SGSM1: variants seen among roughly 807,000 people sequenced by gnomAD.
SGSM1 encodes the protein small G protein signaling modulator 1.
In SGSM1, 73 loss-of-function variants were observed where a neutral mutation model predicts 133.8. The ratio of observed to expected loss-of-function variants is 0.55; its 90% CI spans 0.45 to 0.66. The LOEUF is 0.66. Ranked by LOEUF, SGSM1 falls within the 30% of genes least tolerant of loss-of-function variation. SGSM1 has a pLI of 0.00. For missense variants in SGSM1, 1,213 were observed against 1,448.1 expected (o/e 0.84, Z 2.64); for synonymous variants, 563 against 573.0 (o/e 0.98, Z 0.25).
intron 24 of SGSM1, among the ~76,000 whole-genome samples, chr22:24,921,575 G>C (rs1934010030): frequency 6.6e-6 from 1 of 152,038 alleles, no homozygotes; most frequent in Non-Finnish European, 1.5e-5. Context: ...CACCCCTAGT[G>C]TCTCTGTAAA....
chr22:24,919,040 C>CTTT (rs143985087), intron 23 of SGSM1, among the ~76,000 whole-genome samples: 9 of 71,794 alleles, frequency 1.3e-4, no homozygotes, highest in African/African-American at 2.7e-4. Flanking sequence ...CACACCCGGC[C>CTTT]TTTTTTTTTT....
chr22:24,845,945 C>CTTTTCTTTTCTTTTCTTTTCT (rs139930200), intron 3 of SGSM1, among the ~76,000 whole-genome samples: 13 of 32,622 alleles, frequency 4.0e-4, no homozygotes, highest in East Asian at 1.4e-3. Flanking sequence ...CTTTTCTTTT[C>CTTTTCTTTTCTTTTCTTTTCT]TTTCTTTCTT....
intron 19 of SGSM1, among the ~76,000 whole-genome samples, chr22:24,899,860 A>G (rs1165801928): frequency 6.6e-6 from 1 of 151,956 alleles, no homozygotes; most frequent in East Asian, 1.9e-4. Context: ...TTCTGTGCTG[A>G]ATTCTGGATT....
chr22:24,847,951 C>T (rs1371757207), intron 4 of SGSM1, among the ~76,000 whole-genome samples, 155 bp downstream of exon 4: 1 of 149,750 alleles, frequency 6.7e-6, no homozygotes, highest in Non-Finnish European at 1.5e-5. Flanking sequence ...AGGGTCTTTG[C>T]ACGTGCCTCA....
At chr22:24,830,708 C>T (rs114445739) in intron 2 of SGSM1, among the ~76,000 whole-genome samples, 758 of 59,046 alleles carry the variant, frequency 0.013, 6 homozygotes, top group African/African-American at 0.039. Context: ...CTTTTCCTTT[C>T]GCTTGAACTC....
At chr22:24,863,360 T>C (rs374031993) in intron 9 of SGSM1, among the ~76,000 whole-genome samples, 1 of 152,178 alleles carries the variant, frequency 6.6e-6, no homozygotes. Flanking sequence ...GGTTTCACCA[T>C]GTTGGCCAGG....
rs879402867 is a variant in SGSM1, at chr22:24,855,610, A to G, written c.731A>G (p.Tyr244Cys). 6.8e-6 allele frequency: 11 copies of G among 1,613,852 alleles called. No individual in the cohort carries two copies. The highest frequency in any genetic ancestry group is 1.3e-5 in the African/African-American group (1 of 74,920). ...CGGCCATCCCTCTCTGCCCGCGACT[A>G]CGTGGAGTCCCTGCATCAGAACTCC... ...DDRPSLSARDYVESLHQNSRA... is the reference protein window; with the variant it reads ...DDRPSLSARDCVESLHQNSRA... The change falls in exon 8 of 25, where the codon TAC becomes TGC. Residue 244 changes from tyrosine to cysteine, a missense_variant. Transcript: ENST00000400358.
chr22:24,820,014 G>A (rs1278887992), intron 2 of SGSM1, among the ~76,000 whole-genome samples: 1 of 152,076 alleles, frequency 6.6e-6, no homozygotes, highest in Non-Finnish European at 1.5e-5. Context: ...GGAGATGGGG[G>A]TGCTGCCAGG....
At chr22:24,895,635 A>G (rs138293124) in intron 18 of SGSM1, among the ~76,000 whole-genome samples, 39 of 152,284 alleles carry the variant, frequency 2.6e-4, no homozygotes, top group African/African-American at 9.1e-4. Context: ...TATATAATCT[A>G]TAGCAATGTT....
intron 12 of SGSM1, among the ~76,000 whole-genome samples, chr22:24,873,333 G>C (rs1931857813): frequency 1.3e-5 from 2 of 152,050 alleles, no homozygotes; most frequent in African/African-American, 4.8e-5. Flanking sequence ...TTGACATTTA[G>C]GGCTGAATAA....
chr22:24,903,975 CAAAAAGAAAAAAA>C (rs1933264778), intron 20 of SGSM1, among the ~76,000 whole-genome samples: 1 of 90,218 alleles, frequency 1.1e-5, no homozygotes, highest in Non-Finnish European at 2.2e-5. Flanking sequence ...TCTGTCTCAA[CAAAAAGAAAAAAA>C]AAAAAAAAAG....
intron 8 of SGSM1, among the ~76,000 whole-genome samples, chr22:24,858,705 G>T (rs373781356): frequency 6.6e-6 from 1 of 150,828 alleles, no homozygotes; most frequent in Non-Finnish European, 1.5e-5. Flanking sequence ...GATGAATTAC[G>T]TGCCTGCCTT....
At chr22:24,869,847 A>G (rs1763266495) in intron 12 of SGSM1, among the ~76,000 whole-genome samples, 1 of 152,228 alleles carries the variant, frequency 6.6e-6, no homozygotes, top group South Asian at 2.1e-4. Flanking sequence ...TAAGCGCATC[A>G]CCATTGCAGG....
At chr22:24,855,514 G>T (rs780921629) in intron 7 of SGSM1, 35 bp from the exon 8 acceptor site, 1 of 1,613,442 alleles carries the variant, frequency 6.2e-7, no homozygotes, top group East Asian at 2.2e-5. Context: ...ATCACCCCAG[G>T]CCTCATCCCT....
intron 23 of SGSM1, 59 bp downstream of exon 23, chr22:24,917,813 A>AAAAG (rs1933872293): frequency 1.4e-6 from 2 of 1,446,220 alleles, no homozygotes; most frequent in Non-Finnish European, 1.9e-6. Context: ...CTTTCAGGGG[A>AAAAG]AAAGATCCCG....
intron 2 of SGSM1, among the ~76,000 whole-genome samples, chr22:24,819,898 A>G (rs1928362552): frequency 6.6e-6 from 1 of 152,152 alleles, no homozygotes; most frequent in Non-Finnish European, 1.5e-5. Context: ...GCAGCTGCCC[A>G]AACCACCTTC....
chr22:24,878,036 C>G (rs749724003), intron 13 of SGSM1, among the ~76,000 whole-genome samples: 2 of 151,958 alleles, frequency 1.3e-5, no homozygotes, highest in African/African-American at 2.4e-5. Context: ...CTCTCGAACC[C>G]CTGACCTCAA....
At chr22:24,902,758 A>G (rs892661523) in intron 20 of SGSM1, among the ~76,000 whole-genome samples, 2 of 152,078 alleles carry the variant, frequency 1.3e-5, no homozygotes, top group Non-Finnish European at 1.5e-5. Flanking sequence ...CATGCTTGTT[A>G]AAAATCTAAA....
In SGSM1 at chr22:24,850,447, C is replaced by T. The variant is rs1349252012; in HGVS notation, c.455+15C>T. On this transcript the variant is annotated intron_variant, in intron 5 of 24. Transcript: ENST00000400358. ...GAAAACAGCAGGTGAGAGGGAAAGACCTGACACCTGGCCATGCTCTGCCCC... is the reference window on the plus strand; with the variant it reads ...GAAAACAGCAGGTGAGAGGGAAAGATCTGACACCTGGCCATGCTCTGCCCC... 1.1e-5 allele frequency: 17 copies of T among 1,613,046 alleles called. No homozygotes were observed. The highest frequency in any genetic ancestry group is 1.4e-5 in the Non-Finnish European group (16 of 1,179,348).
Sources: gnomAD v4.1 joint callset for allele counts (sites outside exome capture counted in the v4.1 genomes callset) on GRCh38, gnomAD v4.1.1 for gene constraint, MANE v1.5 for transcripts, NCBI Gene and HGNC (gene_info 2026-07-23, HGNC 2026-07-21) for gene names.